EFNA5: variants seen among roughly 807,000 people sequenced by gnomAD.
EFNA5 encodes the protein ephrin A5, also known as ephrin-A5.
Under a neutral mutation model 22.9 loss-of-function variants are expected in EFNA5, and 5 were observed. That is an observed-to-expected ratio of 0.22 (90% CI 0.11 to 0.46). The LOEUF is 0.46. Among genes scored for constraint, EFNA5 ranks in the 20% least tolerant of loss-of-function variants. The pLI is 0.99. For synonymous variants in EFNA5, 113 were observed against 112.2 expected (o/e 1.01, Z -0.04); for missense variants, 237 against 293.3 (o/e 0.81, Z 1.40).
At chr5:107,668,975 T>A (rs1751126673) in intron 1 of EFNA5, among the ~76,000 whole-genome samples, 2 of 152,050 alleles carry the variant, frequency 1.3e-5, no homozygotes, top group Admixed American at 1.3e-4. Context: ...CAGGAATATC[T>A]CCACTCCTGT....
At chr5:107,453,337 C>A (rs1749608489) in intron 1 of EFNA5, among the ~76,000 whole-genome samples, 1 of 151,946 alleles carries the variant, frequency 6.6e-6, no homozygotes, top group African/African-American at 2.4e-5. Flanking sequence ...ATAAATAAAT[C>A]TTATATTCAG....
At chr5:107,600,260 G>A (rs1331769580) in intron 1 of EFNA5, among the ~76,000 whole-genome samples, 1 of 152,138 alleles carries the variant, frequency 6.6e-6, no homozygotes, top group East Asian at 1.9e-4. Flanking sequence ...TAGAACAGTG[G>A]CACAGAAGCT....
chr5:107,448,699 G>C (rs1233682334), intron 1 of EFNA5, among the ~76,000 whole-genome samples: 1 of 151,662 alleles, frequency 6.6e-6, no homozygotes, highest in Non-Finnish European at 1.5e-5. Context: ...ATGTGGTGGT[G>C]TGCGCCTGTA....
chr5:107,514,531 C>T (rs528080705), intron 1 of EFNA5, among the ~76,000 whole-genome samples: 2 of 152,138 alleles, frequency 1.3e-5, no homozygotes, highest in African/African-American at 2.4e-5. Flanking sequence ...CACAACCTGA[C>T]GAGTGTGTGG....
At chr5:107,506,743 G>A (rs1171010012) in intron 1 of EFNA5, among the ~76,000 whole-genome samples, 1 of 152,136 alleles carries the variant, frequency 6.6e-6, no homozygotes, top group Non-Finnish European at 1.5e-5. Flanking sequence ...TTGGCTGCAG[G>A]AAACACAAAG....
chr5:107,428,734 TG>T (rs1748870103), intron 1 of EFNA5, among the ~76,000 whole-genome samples: 1 of 152,220 alleles, frequency 6.6e-6, no homozygotes, highest in South Asian at 2.1e-4. Context: ...AGTCTGAGTG[TG>T]AACACTTCCC....
chr5:107,387,178 C>T, intron 4 of EFNA5, 57 bp downstream of exon 4: 5 of 1,260,478 alleles, frequency 4.0e-6, no homozygotes, highest in East Asian at 4.8e-5. Context: ...GAAAAAAATA[C>T]GGAAGCACCA....
chr5:107,663,351 A>T (rs1751004295), intron 1 of EFNA5, among the ~76,000 whole-genome samples: 1 of 152,168 alleles, frequency 6.6e-6, no homozygotes, highest in African/African-American at 2.4e-5. Context: ...GGTAATCCAT[A>T]TATTATACTG....
intron 2 of EFNA5, among the ~76,000 whole-genome samples, chr5:107,394,719 C>T (rs763347212): frequency 2.0e-5 from 3 of 152,132 alleles, no homozygotes; most frequent in Non-Finnish European, 4.4e-5. Flanking sequence ...ATTTAAATTC[C>T]AGCAGGTAAG....
At chr5:107,482,332 T>G (rs1580482150) in intron 1 of EFNA5, among the ~76,000 whole-genome samples, 1 of 152,256 alleles carries the variant, frequency 6.6e-6, no homozygotes, top group Middle Eastern at 3.4e-3. Context: ...ATGCTATTTT[T>G]GTTTAAATTA....
chr5:107,523,960 TA>T (rs1747646090), intron 1 of EFNA5, among the ~76,000 whole-genome samples: 1 of 152,240 alleles, frequency 6.6e-6, no homozygotes, highest in Admixed American at 6.5e-5. Context: ...CAATTTAAAG[TA>T]TCAGGTTGGG....
chr5:107,556,785 T>TAAATAAATA (rs1554066388), intron 1 of EFNA5, among the ~76,000 whole-genome samples: 7,365 of 141,310 alleles, frequency 0.052, 224 homozygotes, highest in Middle Eastern at 0.12. Flanking sequence ...AATAAATAAA[T>TAAATAAATA]AAATAAAATA....
chr5:107,668,046 A>C (rs1195110133), intron 1 of EFNA5, among the ~76,000 whole-genome samples: 28 of 152,232 alleles, frequency 1.8e-4, no homozygotes, highest in Non-Finnish European at 5.9e-5. Context: ...TACTTTTAAA[A>C]TATTGTTTTT....
chr5:107,607,970 G>A (rs1271160592), intron 1 of EFNA5, among the ~76,000 whole-genome samples: 1 of 151,940 alleles, frequency 6.6e-6, no homozygotes, highest in Non-Finnish European at 1.5e-5. Flanking sequence ...TAGTCCAAGC[G>A]ATCTACTCTC....
intron 2 of EFNA5, among the ~76,000 whole-genome samples, chr5:107,389,249 A>G (rs1381787709): frequency 6.6e-6 from 1 of 152,218 alleles, no homozygotes; most frequent in Admixed American, 6.5e-5. Flanking sequence ...TGACATTTAC[A>G]GTAACTAGTG....
chr5:107,640,287 A>G (rs1372117903), intron 1 of EFNA5, among the ~76,000 whole-genome samples: 1 of 152,188 alleles, frequency 6.6e-6, no homozygotes, highest in Non-Finnish European at 1.5e-5. Context: ...AGTATCATTC[A>G]GCCTGCTTCC....
intron 1 of EFNA5, among the ~76,000 whole-genome samples, chr5:107,528,327 C>A (rs1747740486): frequency 6.6e-6 from 1 of 152,238 alleles, no homozygotes; most frequent in African/African-American, 2.4e-5. Flanking sequence ...ATAATAATGT[C>A]TTTTACAAAG....
Position 107,438,105 on chromosome 5 carries a change from G to A in EFNA5, c.126-10596C>T, listed in dbSNP as rs569824823. On this transcript the variant is annotated intron_variant, in intron 1 of 4. Coordinates refer to ENST00000333274, the MANE Select transcript of EFNA5 (RefSeq NM_001962.3). ...GCTGATCAAAATAAGATGTGGTCCCGTGCACTTAGCCAAAGCTGCTCTGTA... is the reference window on the plus strand; with the variant it reads ...GCTGATCAAAATAAGATGTGGTCCCATGCACTTAGCCAAAGCTGCTCTGTA... Among the ~76,000 whole-genome samples, 58 of 152,304 alleles carry A rather than the reference G, an allele frequency of 3.8e-4. 2 individuals are homozygous for A. The highest frequency in any genetic ancestry group is 1.2e-3 in the African/African-American group (49 of 41,572).
At chr5:107,471,819 C>T (rs1185296221) in intron 1 of EFNA5, among the ~76,000 whole-genome samples, 1 of 152,174 alleles carries the variant, frequency 6.6e-6, no homozygotes, top group East Asian at 1.9e-4. Flanking sequence ...TCAAAGAATA[C>T]AGTATTCTCC....
Sources: allele counts gnomAD v4.1 joint callset (sites outside exome capture counted in the v4.1 genomes callset), GRCh38; gene constraint gnomAD v4.1.1; transcripts MANE v1.5; gene names NCBI Gene and HGNC (gene_info 2026-07-23, HGNC 2026-07-21).